Variants in PTPRD observed in about 807,000 individuals in gnomAD.
PTPRD encodes protein tyrosine phosphatase receptor type D, also known as receptor-type tyrosine-protein phosphatase delta.
In PTPRD, 34 loss-of-function variants were observed where a neutral mutation model predicts 214.5. The observed-to-expected ratio is 0.16, with a 90% confidence interval of 0.12 to 0.21. The LOEUF (loss-of-function observed/expected upper bound fraction) is 0.21. Among genes scored for constraint, PTPRD ranks in the 10% least tolerant of loss-of-function variants. PTPRD has a pLI of 1.00. For missense variants in PTPRD, 2,545 were observed against 2,398.7 expected, an observed-to-expected ratio of 1.06 and a Z score of -1.27; for synonymous variants, 1,128 against 845.7, an observed-to-expected ratio of 1.33 and a Z score of -5.79.
chr9:8,859,803 T>TTGG lies in PTPRD; in HGVS notation c.-103-125860_-103-125858dup, dbSNP rs1555444917. 5.6e-5 allele frequency among the ~76,000 whole-genome samples: 6 copies of TTGG among 107,068 alleles called. No individual in the cohort carries two copies. The East Asian group carries it at 2.6e-3, about 46-fold the overall frequency. 70.2% of individuals were successfully genotyped at this position (107,068 alleles called of 152,430 possible). The stretch of plus-strand genomic sequence containing the variant: ...AAACGAAGTTTAGTTTTCCAGCAAT[T>TTGG]TGGGGGTGGGGGAGGAGCATCCCTG... On this transcript the variant is annotated intron_variant, in intron 11 of 45. Transcript: ENST00000381196.
intron 5 of PTPRD, among the ~76,000 whole-genome samples, chr9:9,809,140 G>C (rs1230498947): frequency 6.6e-6 from 1 of 151,866 alleles, no homozygotes; most frequent in Non-Finnish European, 1.5e-5. Context: ...TCTCATATTT[G>C]TGGGTCTCCC....
At chr9:9,215,640 G>C (rs1373186767) in intron 9 of PTPRD, among the ~76,000 whole-genome samples, 2 of 152,068 alleles carry the variant, frequency 1.3e-5, no homozygotes, top group Non-Finnish European at 2.9e-5. Context: ...TTGGGACGAA[G>C]GGAGCAGCTC....
intron 11 of PTPRD, among the ~76,000 whole-genome samples, chr9:8,768,240 A>T (rs556498709): frequency 1.3e-5 from 2 of 152,302 alleles, no homozygotes; most frequent in Admixed American, 6.5e-5. Flanking sequence ...GATTAAAAAA[A>T]TTAAAAAATA....
intron 12 of PTPRD, among the ~76,000 whole-genome samples, chr9:8,650,233 A>T (rs1461612410): frequency 2.6e-5 from 4 of 151,948 alleles, no homozygotes; most frequent in African/African-American, 9.7e-5. Context: ...CTTATTAATA[A>T]GAATGTGGAT....
intron 10 of PTPRD, among the ~76,000 whole-genome samples, chr9:9,121,007 T>C (rs2099817098): frequency 1.3e-5 from 2 of 152,194 alleles, no homozygotes; most frequent in Admixed American, 6.5e-5. Context: ...AATGAAGATA[T>C]TATTATTATC....
In PTPRD at chr9:9,597,012, T is replaced by C. The variant is rs146095765; in HGVS notation, c.-286-22231A>G. ...GCCTCCAGACTGACAAGTAAGTAAT[T>C]GGCATGAGTGGAGATGAATAGACTT... On this transcript the variant is annotated intron_variant, in intron 7 of 45. Transcript: ENST00000381196. Among the ~76,000 whole-genome samples the C allele has an allele frequency of 7.2e-3, 1,089 of 152,028 alleles. 13 individuals are homozygous for C. Among genetic ancestry groups the C allele is most frequent in the African/African-American group, 0.025 (1,026 of 41,514 alleles).
intron 2 of PTPRD, among the ~76,000 whole-genome samples, chr9:10,488,022 G>C (rs1376560940): frequency 8.3e-6 from 1 of 119,862 alleles, no homozygotes; most frequent in Non-Finnish European, 1.7e-5. Context: ...TGAACCACCT[G>C]GAGCTGGGGG....
chr9:9,477,250 C>G (rs955310233), intron 8 of PTPRD, among the ~76,000 whole-genome samples: 1 of 152,152 alleles, frequency 6.6e-6, no homozygotes, highest in Non-Finnish European at 1.5e-5. Context: ...CATCTCACTA[C>G]CTTCAGTTCT....
intron 2 of PTPRD, among the ~76,000 whole-genome samples, chr9:10,458,089 G>A (rs1283630244): frequency 6.6e-6 from 1 of 151,784 alleles, no homozygotes; most frequent in Non-Finnish European, 1.5e-5. Context: ...AAAAACCCAG[G>A]ACCCAATGGC....
chr9:9,879,152 G>A (rs2067819168), intron 5 of PTPRD, among the ~76,000 whole-genome samples: 3 of 152,198 alleles, frequency 2.0e-5, no homozygotes, highest in Non-Finnish European at 4.4e-5. Context: ...TAGAGACAGA[G>A]TATGAAGGAC....
chr9:9,982,455 A>ATTG (rs199860433), intron 4 of PTPRD, among the ~76,000 whole-genome samples: 2,799 of 117,418 alleles, frequency 0.024, 53 homozygotes, highest in East Asian at 0.1. Flanking sequence ...AGATACATAT[A>ATTG]TTGTTGTTGT....
intron 24 of PTPRD, among the ~76,000 whole-genome samples, chr9:8,500,280 C>A (rs747636180): frequency 1.3e-5 from 2 of 151,634 alleles, no homozygotes; most frequent in African/African-American, 2.4e-5. Flanking sequence ...ATTATCTTCT[C>A]TTTTTTTCTC....
Position 10,099,374 on chromosome 9 carries a change from A to T in PTPRD, c.-544-65584T>A, listed in dbSNP as rs78739839. Reference sequence around the variant, plus strand: ...AGAATCACATGAGTTAATATAATAGAGTCCATTTTCCTAAGCAAATTAATG... The same window carrying T: ...AGAATCACATGAGTTAATATAATAGTGTCCATTTTCCTAAGCAAATTAATG... On this transcript the variant is annotated intron_variant, in intron 3 of 45. Transcript: ENST00000381196. Among the ~76,000 whole-genome samples the T allele has an allele frequency of 7.3e-4, 111 of 151,868 alleles. 1 individual carries two copies. In the East Asian group the frequency reaches 0.019, roughly 26 times the overall value.
At chr9:9,194,523 A>T (rs1033707741) in intron 9 of PTPRD, among the ~76,000 whole-genome samples, 1 of 152,140 alleles carries the variant, frequency 6.6e-6, no homozygotes, top group African/African-American at 2.4e-5. Flanking sequence ...GTGACAGGAA[A>T]CTTCAGCTCC....
intron 9 of PTPRD, among the ~76,000 whole-genome samples, chr9:9,333,504 T>TTATATATATATATATATATA (rs3048057): frequency 1.5e-5 from 2 of 137,248 alleles, no homozygotes; most frequent in African/African-American, 5.8e-5. Context: ...ATATAGTATA[T>TTATATATATATATATATATA]TATATATATA....
chr9:10,003,418 T>C (rs531171734), intron 4 of PTPRD, among the ~76,000 whole-genome samples: 37 of 151,842 alleles, frequency 2.4e-4, no homozygotes, highest in East Asian at 1.4e-3. Flanking sequence ...TTGGGGGATA[T>C]TAAGAAAAAT....
At chr9:9,515,888 T>G (rs1009121117) in intron 8 of PTPRD, among the ~76,000 whole-genome samples, 23 of 152,080 alleles carry the variant, frequency 1.5e-4, no homozygotes, top group African/African-American at 5.5e-4. Flanking sequence ...GAGAATTGTA[T>G]TATAAGGAAA....
chr9:9,472,582 C>G (rs1589303524), intron 8 of PTPRD, among the ~76,000 whole-genome samples: 1 of 151,912 alleles, frequency 6.6e-6, no homozygotes, highest in East Asian at 1.9e-4. Flanking sequence ...CAGCCAACCT[C>G]AAGTTTCTAC....
chr9:8,320,891 A>G (rs1406978442), intron 44 of PTPRD, among the ~76,000 whole-genome samples: 1 of 152,118 alleles, frequency 6.6e-6, no homozygotes, highest in Non-Finnish European at 1.5e-5. Context: ...AATCTGAAAA[A>G]TCCCTGCATT....
Sources: gnomAD v4.1 joint callset for allele counts (sites outside exome capture counted in the v4.1 genomes callset) on GRCh38, gnomAD v4.1.1 for gene constraint, MANE v1.5 for transcripts, NCBI Gene and HGNC (gene_info 2026-07-23, HGNC 2026-07-21) for gene names.